The following OPN3 variants were observed in gnomAD, a reference collection of about 807,000 sequenced individuals.
The protein encoded by OPN3 is opsin-3.
A neutral mutation model predicts 33.8 loss-of-function variants in OPN3; 29 were observed. That is an observed-to-expected ratio of 0.86 (90% CI 0.64 to 1.17). The LOEUF (loss-of-function observed/expected upper bound fraction) is 1.17, where lower values mean the gene tolerates loss of function less well. OPN3 is among the 50% of genes most tolerant of loss of function. The pLI, the probability that OPN3 is intolerant of heterozygous loss-of-function variation, is 0.00. For missense variants in OPN3, 437 were observed against 514.1 expected (o/e 0.85, Z 1.45); for synonymous variants, 216 against 216.1 (o/e 1.00, Z 0.00).
At chr1:241,617,424 C>A (rs1664161239) in intron 1 of OPN3, among the ~76,000 whole-genome samples, 2 of 152,100 alleles carry the variant, frequency 1.3e-5, no homozygotes, top group Non-Finnish European at 2.9e-5. Flanking sequence ...ATTAACCTGA[C>A]AGCAAATGAA....
rs114025354 is a variant in OPN3 at position 241,611,707 on chromosome 1, G to C, written c.374-7128C>G. On this transcript the variant is annotated intron_variant, in intron 1 of 3. Coordinates refer to ENST00000366554, the MANE Select transcript of OPN3 (RefSeq NM_014322.3). ...CCTAGAAAACCCTTAAATGCCATGC[G>C]TGGAGCTTGGAATGTGTCCCGAGGG... Among the ~76,000 whole-genome samples the C allele has an allele frequency of 9.1e-3, 1,383 of 152,322 alleles. 16 individuals carry two copies. The highest frequency in any genetic ancestry group is 0.031 in the African/African-American group (1,305 of 41,562).
chr1:241,638,206 G>A (rs1408110767), intron 1 of OPN3, among the ~76,000 whole-genome samples: 2 of 152,062 alleles, frequency 1.3e-5, no homozygotes, highest in Admixed American at 6.6e-5. Context: ...GCAGCCCTCA[G>A]GCAAAAATCT....
intron 1 of OPN3, among the ~76,000 whole-genome samples, chr1:241,607,577 AAAG>A (rs1663868598): frequency 8.4e-6 from 1 of 118,466 alleles, no homozygotes; most frequent in Non-Finnish European, 1.8e-5. Context: ...GAAAGAAAGA[AAAG>A]AAAGAAAGAA....
chr1:241,635,961 C>T, intron 1 of OPN3: 1 of 570,472 alleles, frequency 1.8e-6, no homozygotes, highest in Non-Finnish European at 3.1e-6. Context: ...TGAGCAAGTA[C>T]ATCTAATCAC....
At chr1:241,636,024 C>A in intron 1 of OPN3, 1 of 480,248 alleles carries the variant, frequency 2.1e-6, no homozygotes. Context: ...TTCATCTTAG[C>A]AGTAAATGTC....
At chr1:241,601,395 GA>G (rs1313851269) in intron 2 of OPN3, among the ~76,000 whole-genome samples, 1 of 151,652 alleles carries the variant, frequency 6.6e-6, no homozygotes, top group Non-Finnish European at 1.5e-5. Flanking sequence ...AGTGGGAGAG[GA>G]AAAAATGGAT....
rs190856747 is a variant in OPN3 at position 241,610,087 on chromosome 1, G to A, written c.374-5508C>T. Reference sequence around the variant, plus strand: ...TTGGAAAGGGCTTATGTACCCCCCAGCGGTTTTGAAGACAGCGGTCTGTAA... The same window carrying A: ...TTGGAAAGGGCTTATGTACCCCCCAACGGTTTTGAAGACAGCGGTCTGTAA... On this transcript the variant is annotated intron_variant, in intron 1 of 3. Coordinates refer to ENST00000366554, the MANE Select transcript of OPN3 (RefSeq NM_014322.3). 2.4e-3 allele frequency among the ~76,000 whole-genome samples: 373 copies of A among 152,320 alleles called. 1 individual carries two copies. Among genetic ancestry groups the A allele is most frequent in the African/African-American group, 8.2e-3 (339 of 41,572 alleles).
chr1:241,619,526 T>C (rs781279328), intron 1 of OPN3, among the ~76,000 whole-genome samples: 5 of 152,248 alleles, frequency 3.3e-5, no homozygotes, highest in Non-Finnish European at 7.3e-5. Flanking sequence ...AATAATGCCA[T>C]ATTTTATAGA....
intron 3 of OPN3, 146 bp downstream of exon 3, chr1:241,597,600 C>T: frequency 1.5e-6 from 1 of 687,456 alleles, no homozygotes; most frequent in Non-Finnish European, 2.3e-6. Flanking sequence ...AAATATTCTA[C>T]ATTTCTTCCA....
chr1:241,630,628 T>A (rs1054712212), intron 1 of OPN3: 4 of 152,096 alleles, frequency 2.6e-5, no homozygotes, highest in African/African-American at 7.2e-5. Context: ...CAGGTCTCTT[T>A]AACCATATAT....
At chr1:241,634,175 G>A (rs1405781628) in intron 1 of OPN3, 2 of 1,613,964 alleles carry the variant, frequency 1.2e-6, no homozygotes, top group Admixed American at 1.7e-5. Context: ...AGTATACGGA[G>A]TGAATAATTT....
At chr1:241,635,726 A>G (rs1178864705) in intron 1 of OPN3, 1 of 1,613,710 alleles carries the variant, frequency 6.2e-7, no homozygotes, top group Non-Finnish European at 8.5e-7. Context: ...ACCTGTCCCT[A>G]TTATAACCAC....
intron 3 of OPN3, among the ~76,000 whole-genome samples, chr1:241,596,929 A>G (rs1273915531): frequency 6.6e-6 from 1 of 151,852 alleles, no homozygotes; most frequent in East Asian, 1.9e-4. Flanking sequence ...GGCTCAAGAG[A>G]TCCTTTCATC....
intron 1 of OPN3, 25 bp downstream of exon 1, chr1:241,639,857 G>A: frequency 1.3e-6 from 2 of 1,496,496 alleles, no homozygotes; most frequent in Non-Finnish European, 8.9e-7. Context: ...CAGAGGGGAG[G>A]CTGCCTTCTC....
chr1:241,594,315 C>G lies in OPN3; in HGVS notation c.*113G>C, dbSNP rs1663428296. The G allele has an allele frequency of 4.9e-6, 6 of 1,213,918 alleles. No homozygotes were observed. The East Asian group carries it at 1.2e-4, about 24-fold the overall frequency. The allele number at this position is 1,213,918 out of a possible 1,614,324, so 75.2% of individuals were successfully genotyped here. ...TGGGCAATTCGGATTTCCTGCTGGA[C>G]CACAAGGTTCTGTTGATATTACATA... is the stretch of plus-strand genomic sequence containing the variant. On this transcript the variant is annotated 3_prime_UTR_variant, in exon 4 of 4. Transcript: ENST00000366554.
chr1:241,611,867 T>C (rs767834787), intron 1 of OPN3, among the ~76,000 whole-genome samples: 4 of 152,196 alleles, frequency 2.6e-5, no homozygotes, highest in African/African-American at 4.8e-5. Context: ...GGAAAATGGA[T>C]TGTGAGCCAA....
At chr1:241,622,684 C>A (rs528933517) in intron 1 of OPN3, among the ~76,000 whole-genome samples, 1 of 152,334 alleles carries the variant, frequency 6.6e-6, no homozygotes, top group African/African-American at 2.4e-5. Context: ...TTTCACCCAG[C>A]CTCTTTGCAA....
chr1:241,634,766 T>C (rs760567787), intron 1 of OPN3: 8 of 1,613,886 alleles, frequency 5.0e-6, no homozygotes, highest in Non-Finnish European at 6.8e-6. Flanking sequence ...ATGTTGAAGG[T>C]TGGGAGTTAG....
chr1:241,627,962 C>T (rs578002509), intron 1 of OPN3, among the ~76,000 whole-genome samples: 130 of 152,150 alleles, frequency 8.5e-4, no homozygotes, highest in African/African-American at 3.1e-3. Flanking sequence ...GCTTCTAGAC[C>T]CAATCCCCTA....
Sources: gnomAD v4.1 joint callset for allele counts (sites outside exome capture counted in the v4.1 genomes callset) on GRCh38, gnomAD v4.1.1 for gene constraint, MANE v1.5 for transcripts, NCBI Gene and HGNC (gene_info 2026-07-23, HGNC 2026-07-21) for gene names.